Variants in H1-8 observed in about 807,000 individuals in gnomAD.
The protein encoded by H1-8 is H1.8 linker histone.
Under a neutral mutation model 19.5 loss-of-function variants are expected in H1-8, and 13 were observed. That is an observed-to-expected ratio of 0.67 (90% CI 0.43 to 1.06). The LOEUF is 1.06. Among genes scored for constraint, H1-8 ranks in the 50% least tolerant of loss-of-function variants. The pLI, the probability that H1-8 is intolerant of heterozygous loss-of-function variation, is 0.00. For synonymous variants in H1-8, 193 were observed against 187.6 expected (o/e 1.03, Z -0.24); for missense variants, 432 against 459.8 (o/e 0.94, Z 0.55).
intron 2 of H1-8, chr3:129,548,552 C>T: frequency 2.1e-6 from 2 of 939,026 alleles, no homozygotes; most frequent in Non-Finnish European, 2.5e-6. Flanking sequence ...GGAGCCCTCC[C>T]TTCCCTGCCG....
At chr3:129,546,162 A>T (rs553911185) in intron 1 of H1-8, among the ~76,000 whole-genome samples, 1 of 141,594 alleles carries the variant, frequency 7.1e-6, no homozygotes, top group Non-Finnish European at 1.6e-5. Flanking sequence ...TAATAATGAT[A>T]ATAATACAAA....
In H1-8 at chr3:129,547,415, C is replaced by T; in HGVS notation, c.113C>T (p.Pro38Leu). ...KPGPSHGGVP[P>L]GGPSHSSLPV... ...GGCCCGAGCCACGGCGGTGTCCCAC[C>T]AGGAGGCCCGAGCCACAGCAGCCTC... The change falls in exon 2 of 5, where the codon CCA becomes CTA. Residue 38 changes from proline to leucine, a missense_variant. Physicochemically the swap from Pro to Leu is moderately conservative, Grantham distance 98. Transcript: ENST00000324382. 1.3e-6 allele frequency: 2 copies of T among 1,518,242 alleles called. No homozygotes were observed. The highest frequency in any genetic ancestry group is 1.8e-6 in the Non-Finnish European group (2 of 1,135,466). 94.0% of individuals were successfully genotyped at this position (1,518,242 alleles called of 1,614,324 possible).
chr3:129,547,661 G>T lies in H1-8; in HGVS notation c.359G>T (p.Gly120Val). ...AGGCCCCTCAACTCCAAAGCCAGGGGGGCCACTGGCAGCTTCAAAGTAAGC... is the reference window on the plus strand; with the variant it reads ...AGGCCCCTCAACTCCAAAGCCAGGGTGGCCACTGGCAGCTTCAAAGTAAGC... ...LARPLNSKARGATGSFKLVPK... is the reference protein window; with the variant it reads ...LARPLNSKARVATGSFKLVPK... The change falls in exon 2 of 5, where the codon GGG becomes GTG. Residue 120 changes from glycine to valine, a missense_variant. Coordinates refer to ENST00000324382, the MANE Select transcript of H1-8 (RefSeq NM_153833.3). The T allele has an allele frequency of 6.5e-7, 1 of 1,543,998 alleles. No individual in the cohort carries two copies.
rs147728538 is a variant in H1-8 at position 129,549,384 on chromosome 3, G to T, written c.742+20G>T. 5,118 of 1,551,358 alleles carry T rather than the reference G, an allele frequency of 3.3e-3. 15 individuals are homozygous for T. The highest frequency in any genetic ancestry group is 4.0e-3 in the Non-Finnish European group (4,645 of 1,154,266). On this transcript the variant is annotated intron_variant, in intron 3 of 4. Coordinates refer to ENST00000324382, the MANE Select transcript of H1-8 (RefSeq NM_153833.3). ...GCCAAGGTAGTTGTGTGACTTGTAG[G>T]GGGTGGTGTGGGGATGGGGGTCTTG... is the stretch of plus-strand genomic sequence containing the variant.
chr3:129,546,019 G>A (rs1016168167), intron 1 of H1-8, among the ~76,000 whole-genome samples: 2 of 151,916 alleles, frequency 1.3e-5, no homozygotes, highest in Non-Finnish European at 2.9e-5. Flanking sequence ...GCTCATGCTT[G>A]TAATCCTAGC....
rs144093792 is a variant in H1-8 at position 129,543,713 on chromosome 3, C to T, written c.88+407C>T. 5.3e-5 allele frequency among the ~76,000 whole-genome samples: 8 copies of T among 152,304 alleles called. No homozygotes were observed. In the East Asian group the frequency reaches 1.4e-3, roughly 26 times the overall value. On this transcript the variant is annotated intron_variant, in intron 1 of 4. Coordinates refer to ENST00000324382, the MANE Select transcript of H1-8 (RefSeq NM_153833.3). Reference sequence around the variant, plus strand: ...ATTCCGATTTTCAACCAAAAAACACCTCAGGGTTTATCTGGACATGAGGGT... The same window carrying T: ...ATTCCGATTTTCAACCAAAAAACACTTCAGGGTTTATCTGGACATGAGGGT...
chr3:129,547,275 G>T (rs1270186116), intron 1 of H1-8, 116 bp from the exon 2 acceptor site: 11 of 1,073,956 alleles, frequency 1.0e-5, no homozygotes, highest in African/African-American at 6.4e-5. Context: ...TCAGTGTCTT[G>T]GGGAGAGGGG....
intron 1 of H1-8, among the ~76,000 whole-genome samples, chr3:129,545,495 G>C (rs1454365977): frequency 6.6e-6 from 1 of 151,970 alleles, no homozygotes; most frequent in Non-Finnish European, 1.5e-5. Flanking sequence ...GTGTACAATG[G>C]CTTTTGGTAT....
chr3:129,543,223 C>T lies in H1-8; in HGVS notation c.5C>T (p.Ala2Val). The change falls in exon 1 of 5, where the codon GCT becomes GTT. Residue 2 changes from alanine (A) to valine (V), a missense_variant. Transcript: ENST00000324382. M[A>V]PGSVTSDISP... ...CTGGCTGCACCTGTCGGTCTCATGG[C>T]TCCTGGGAGCGTCACCAGCGACATC... is the stretch of plus-strand genomic sequence containing the variant. 1.2e-6 allele frequency: 2 copies of T among 1,612,652 alleles called. No individual in the cohort carries two copies. Among genetic ancestry groups the T allele is most frequent in the South Asian group, 1.1e-5 (1 of 90,788 alleles).
In H1-8 at chr3:129,543,260, G is replaced by A. The variant is rs569911795; in HGVS notation, c.42G>A (p.Ser14=). 8 of 1,613,666 alleles carry A rather than the reference G, an allele frequency of 5.0e-6. No homozygotes were observed. Among genetic ancestry groups the A allele is most frequent in the South Asian group, 1.1e-5 (1 of 91,000 alleles). The stretch of plus-strand genomic sequence containing the variant: ...TCACCAGCGACATCTCACCCTCCTC[G>A]ACTTCCACAGCAGGATCATCCAGGT... ...GSVTSDISPS[S]TSTAGSSRSP... is the part of the protein sequence containing the mutation. Residue 14 remains serine (S), a synonymous_variant, in exon 1 of 5, where the codon TCG becomes TCA. Transcript: ENST00000324382.
chr3:129,546,391 T>C (rs1475328935), intron 1 of H1-8, among the ~76,000 whole-genome samples: 4 of 152,112 alleles, frequency 2.6e-5, no homozygotes, highest in Non-Finnish European at 5.9e-5. Context: ...GTAACTCCCT[T>C]CCACTGTACC....
intron 3 of H1-8, among the ~76,000 whole-genome samples, chr3:129,549,818 G>A (rs2084920904): frequency 2.6e-5 from 4 of 152,114 alleles, no homozygotes; most frequent in Non-Finnish European, 5.9e-5. Context: ...GCTGGGCATG[G>A]TGGTGTACAC....
intron 2 of H1-8, chr3:129,548,240 C>T (rs1038536822): frequency 3.2e-5 from 24 of 751,140 alleles, no homozygotes; most frequent in Non-Finnish European, 3.7e-5. Context: ...TAACTTCCTG[C>T]ATGTAGCAGC....
At position 129,549,015 on chromosome 3, in the gene H1-8, CA is replaced by C. The variant is rs1307081968; in HGVS notation, c.395del (p.Lys132ArgfsTer42). ...TCCTTCTCCAGTTAGTTCCCAAGCA[CA>C]AGAAGAAAATCCAGCCCAGGAAGAT... ...TGSFKLVPKH[K>X]KKIQPRKMAP... On this transcript the variant is annotated frameshift_variant, in exon 3 of 5. Coordinates refer to ENST00000324382, the MANE Select transcript of H1-8 (RefSeq NM_153833.3). LOFTEE classifies it high-confidence loss of function. The C allele has an allele frequency of 1.2e-6, 2 of 1,608,034 alleles. No homozygotes were observed. Among genetic ancestry groups the C allele is most frequent in the Non-Finnish European group, 1.7e-6 (2 of 1,177,818 alleles).
At chr3:129,545,665 C>T (rs772992478) in intron 1 of H1-8, among the ~76,000 whole-genome samples, 3 of 152,342 alleles carry the variant, frequency 2.0e-5, no homozygotes, top group Non-Finnish European at 2.9e-5. Context: ...CTGGACATTT[C>T]ATATAAATGG....
chr3:129,547,630 C>A lies in H1-8; in HGVS notation c.328C>A (p.Leu110Ile). The change falls in exon 2 of 5, where the codon CTC (leucine) becomes ATC (isoleucine). Residue 110 changes from leucine (L) to isoleucine (I), a missense_variant. Leu to Ile is a conservative substitution (Grantham distance 5). Transcript: ENST00000324382. ...ALATGMRRGLLARPLNSKARG... is the reference protein window; with the variant it reads ...ALATGMRRGLIARPLNSKARG... ...GGCCACTGGCATGCGCCGTGGCCTC[C>A]TCGCCAGGCCCCTCAACTCCAAAGC... 3 of 1,548,322 alleles carry A rather than the reference C, an allele frequency of 1.9e-6. No individual in the cohort carries two copies. Among genetic ancestry groups the A allele is most frequent in the Non-Finnish European group, 2.6e-6 (3 of 1,147,308 alleles).
intron 1 of H1-8, among the ~76,000 whole-genome samples, chr3:129,545,593 C>T (rs2084881145): frequency 6.6e-6 from 1 of 152,174 alleles, no homozygotes; most frequent in South Asian, 2.1e-4. Context: ...AGTCACTCTC[C>T]ACCCCCACTC....
chr3:129,543,214 G>T lies in H1-8; in HGVS notation c.-5G>T. ...AGGGGTCTGCTGGCTGCACCTGTCGGTCTCATGGCTCCTGGGAGCGTCACC... is the reference window on the plus strand; with the variant it reads ...AGGGGTCTGCTGGCTGCACCTGTCGTTCTCATGGCTCCTGGGAGCGTCACC... On this transcript the variant is annotated 5_prime_UTR_variant, in exon 1 of 5. Coordinates refer to ENST00000324382, the MANE Select transcript of H1-8 (RefSeq NM_153833.3). 6.2e-7 allele frequency: 1 copy of T among 1,611,792 alleles called. No individual in the cohort carries two copies. The highest frequency in any genetic ancestry group is 8.5e-7 in the Non-Finnish European group (1 of 1,178,824).
At chr3:129,550,317 G>A (rs115566666) in intron 3 of H1-8, among the ~76,000 whole-genome samples, 2,065 of 152,224 alleles carry the variant, frequency 0.014, 54 homozygotes, top group African/African-American at 0.045. Flanking sequence ...CAGGAGGATC[G>A]CTTGAGCCTG....
Sources: allele counts gnomAD v4.1 joint callset (sites outside exome capture counted in the v4.1 genomes callset), GRCh38; gene constraint gnomAD v4.1.1; transcripts MANE v1.5; gene names NCBI Gene and HGNC (gene_info 2026-07-23, HGNC 2026-07-21).